The following RBFOX1 variants were observed in gnomAD, a reference collection of about 807,000 sequenced individuals.
RBFOX1 encodes RNA binding protein fox-1 homolog 1.
A neutral mutation model predicts 57.7 loss-of-function variants in RBFOX1; 8 were observed. That is an observed-to-expected ratio of 0.14 (90% CI 0.08 to 0.25). The LOEUF (loss-of-function observed/expected upper bound fraction) is 0.25. RBFOX1 is among the 10% of genes least tolerant of loss of function. RBFOX1 has a pLI of 1.00. For synonymous variants in RBFOX1, 326 were observed against 222.4 expected, an observed-to-expected ratio of 1.47 and a Z score of -4.15; for missense variants, 611 against 548.5, an observed-to-expected ratio of 1.11 and a Z score of -1.14.
chr16:6,082,335 C>A (rs1172059169), intron 1 of RBFOX1, among the ~76,000 whole-genome samples: 1 of 145,300 alleles, frequency 6.9e-6, no homozygotes, highest in Non-Finnish European at 1.5e-5. Context: ...TGCCTGTCAC[C>A]ACACCTGGCT....
intron 2 of RBFOX1, among the ~76,000 whole-genome samples, chr16:6,648,980 C>G (rs1246387015): frequency 1.3e-5 from 2 of 152,132 alleles, no homozygotes; most frequent in African/African-American, 4.8e-5. Context: ...ATAACATCTA[C>G]TTTCTTAGCA....
intron 13 of RBFOX1, among the ~76,000 whole-genome samples, chr16:7,672,974 T>C (rs2072052185): frequency 6.6e-6 from 1 of 151,780 alleles, no homozygotes; most frequent in South Asian, 2.1e-4. Context: ...TTAAGTTGTA[T>C]GTGTATATAC....
intron 4 of RBFOX1, among the ~76,000 whole-genome samples, chr16:7,388,084 T>C (rs753000668): frequency 3.9e-5 from 6 of 152,198 alleles, no homozygotes; most frequent in Non-Finnish European, 5.9e-5. Flanking sequence ...ATTGTTTCTT[T>C]TGCCTTTGAT....
intron 4 of RBFOX1, among the ~76,000 whole-genome samples, chr16:5,958,426 A>G (rs1351761786): frequency 6.6e-6 from 1 of 152,202 alleles, no homozygotes; most frequent in Non-Finnish European, 1.5e-5. Context: ...TTATAAGTGC[A>G]TAGTCTGATG....
chr16:7,518,417 G>A (rs1163213147), intron 5 of RBFOX1, 28 bp downstream of exon 5: 1 of 1,589,828 alleles, frequency 6.3e-7, no homozygotes, highest in Non-Finnish European at 8.6e-7. Context: ...CTACGGGTGG[G>A]AGGTTATGGG....
chr16:5,887,259 C>G (rs927987044), intron 4 of RBFOX1, among the ~76,000 whole-genome samples: 1 of 152,180 alleles, frequency 6.6e-6, no homozygotes, highest in African/African-American at 2.4e-5. Context: ...AGTCAGCATT[C>G]GTGGTACCTG....
At chr16:6,003,725 G>A (rs1429879328) in intron 4 of RBFOX1, among the ~76,000 whole-genome samples, 1 of 152,144 alleles carries the variant, frequency 6.6e-6, no homozygotes, top group East Asian at 1.9e-4. Context: ...ACATCTCTTG[G>A]GTTCAGCATC....
At chr16:5,508,830 C>G (rs975792378) in intron 2 of RBFOX1, among the ~76,000 whole-genome samples, 7 of 152,220 alleles carry the variant, frequency 4.6e-5, no homozygotes, top group Admixed American at 6.5e-5. Flanking sequence ...GACATTGCCT[C>G]TGGAATGTGG....
intron 3 of RBFOX1, among the ~76,000 whole-genome samples, chr16:6,764,536 A>G (rs1328090263): frequency 6.6e-6 from 1 of 152,214 alleles, no homozygotes; most frequent in African/African-American, 2.4e-5. Flanking sequence ...TGGAGCAACA[A>G]CAGGAAATAA....
intron 4 of RBFOX1, among the ~76,000 whole-genome samples, chr16:7,314,846 T>C (rs2096401317): frequency 6.6e-6 from 1 of 152,184 alleles, no homozygotes; most frequent in South Asian, 2.1e-4. Context: ...CTTTTAAAAA[T>C]GATTCTTTTT....
intron 3 of RBFOX1, among the ~76,000 whole-genome samples, chr16:6,935,141 C>A (rs1189733320): frequency 6.6e-6 from 1 of 152,070 alleles, no homozygotes; most frequent in African/African-American, 2.4e-5. Context: ...TTCGAGTGAC[C>A]TTGAGCTATA....
At chr16:6,889,259 G>A (rs560704592) in intron 3 of RBFOX1, among the ~76,000 whole-genome samples, 3 of 152,180 alleles carry the variant, frequency 2.0e-5, no homozygotes, top group South Asian at 2.1e-4. Flanking sequence ...TCTTGCCCCC[G>A]TTAGCCCCAT....
chr16:7,136,519 A>C (rs2072028977), intron 4 of RBFOX1, among the ~76,000 whole-genome samples: 1 of 150,364 alleles, frequency 6.7e-6, no homozygotes, highest in African/African-American at 2.5e-5. Context: ...TGATTTTCTA[A>C]CCTCATCCGC....
At chr16:7,227,643 G>T (rs1189774820) in intron 4 of RBFOX1, among the ~76,000 whole-genome samples, 1 of 152,156 alleles carries the variant, frequency 6.6e-6, no homozygotes, top group African/African-American at 2.4e-5. Flanking sequence ...GTAGCCACTG[G>T]AGATGGGGGT....
At chr16:7,290,586 G>C (rs889349576) in intron 4 of RBFOX1, among the ~76,000 whole-genome samples, 26 of 152,152 alleles carry the variant, frequency 1.7e-4, no homozygotes, top group African/African-American at 6.3e-4. Context: ...AAATGGAAGA[G>C]GACTAATATT....
intron 2 of RBFOX1, among the ~76,000 whole-genome samples, chr16:6,477,158 C>G (rs1423305511): frequency 6.6e-6 from 1 of 152,196 alleles, no homozygotes; most frequent in Non-Finnish European, 1.5e-5. Context: ...TTATTCCAAA[C>G]TCCTGTTAAT....
At chr16:5,373,680 C>G (rs895578340) in intron 1 of RBFOX1, among the ~76,000 whole-genome samples, 1 of 151,994 alleles carries the variant, frequency 6.6e-6, no homozygotes, top group Non-Finnish European at 1.5e-5. Flanking sequence ...TCTTGGCTCA[C>G]TGCACCTTTG....
At chr16:6,780,496 AT>A (rs200881779) in intron 3 of RBFOX1, among the ~76,000 whole-genome samples, 34,689 of 123,324 alleles carry the variant, frequency 0.28, 6,344 homozygotes, top group Non-Finnish European at 0.4. Context: ...ATTTATATAC[AT>A]TTTTATATAT....
intron 14 of RBFOX1, among the ~76,000 whole-genome samples, chr16:7,690,137 T>G (rs1014124561): frequency 6.6e-6 from 1 of 151,942 alleles, no homozygotes; most frequent in Admixed American, 6.6e-5. Context: ...CATATTAGAG[T>G]CACCTATAGA....
Sources: gnomAD v4.1 joint callset for allele counts (sites outside exome capture counted in the v4.1 genomes callset) on GRCh38, gnomAD v4.1.1 for gene constraint, MANE v1.5 for transcripts, NCBI Gene and HGNC (gene_info 2026-07-23, HGNC 2026-07-21) for gene names.